Variants in MACROD2 observed in about 807,000 individuals in gnomAD.
MACROD2 encodes mono-ADP ribosylhydrolase 2, also known as ADP-ribose glycohydrolase MACROD2.
Under a neutral mutation model 70.4 loss-of-function variants are expected in MACROD2, and 36 were observed. The ratio of observed to expected loss-of-function variants is 0.51; its 90% CI spans 0.39 to 0.68. MACROD2 has a LOEUF of 0.68. Ranked by LOEUF, MACROD2 falls within the 30% of genes least tolerant of loss-of-function variation. MACROD2 has a pLI of 0.00. For missense variants in MACROD2, 496 were observed against 538.4 expected (o/e 0.92, Z 0.78); for synonymous variants, 172 against 178.8 (o/e 0.96, Z 0.30).
intron 6 of MACROD2, among the ~76,000 whole-genome samples, chr20:15,372,412 A>G (rs1488500559): frequency 6.6e-6 from 1 of 152,254 alleles, no homozygotes; most frequent in South Asian, 2.1e-4. Flanking sequence ...TTACAGTTGA[A>G]TGGGTATAAA....
intron 4 of MACROD2, among the ~76,000 whole-genome samples, chr20:14,575,532 G>C (rs1980539444): frequency 6.6e-6 from 1 of 152,142 alleles, no homozygotes; most frequent in South Asian, 2.1e-4. Flanking sequence ...GGGGTCCCTG[G>C]ACCACATGTT....
intron 10 of MACROD2, among the ~76,000 whole-genome samples, chr20:15,899,929 C>T (rs1172402813): frequency 6.6e-6 from 1 of 152,008 alleles, no homozygotes; most frequent in Non-Finnish European, 1.5e-5. Context: ...TATTATTTTA[C>T]TAAAATAAAT....
chr20:14,131,671 A>C (rs2054719802), intron 3 of MACROD2, among the ~76,000 whole-genome samples: 1 of 152,150 alleles, frequency 6.6e-6, no homozygotes, highest in Admixed American at 6.5e-5. Context: ...TTAGCATTTG[A>C]AGATATTTGG....
chr20:15,835,720 G>A (rs2064106929), intron 8 of MACROD2, among the ~76,000 whole-genome samples: 1 of 152,126 alleles, frequency 6.6e-6, no homozygotes, highest in Non-Finnish European at 1.5e-5. Flanking sequence ...GCTTAGAGCA[G>A]TTAATTTGTC....
chr20:14,245,016 G>A (rs1434169303), intron 3 of MACROD2, among the ~76,000 whole-genome samples: 1 of 152,106 alleles, frequency 6.6e-6, no homozygotes, highest in Non-Finnish European at 1.5e-5. Flanking sequence ...TGGGTAAATT[G>A]TACCTGCTTT....
intron 4 of MACROD2, among the ~76,000 whole-genome samples, chr20:14,642,916 C>T (rs986826195): frequency 6.6e-6 from 1 of 151,822 alleles, no homozygotes; most frequent in Non-Finnish European, 1.5e-5. Context: ...TTGCTCAACA[C>T]ATGGTTGCCA....
intron 5 of MACROD2, among the ~76,000 whole-genome samples, chr20:14,752,699 T>A (rs1259702823): frequency 6.6e-6 from 1 of 152,118 alleles, no homozygotes; most frequent in Non-Finnish European, 1.5e-5. Flanking sequence ...CAGACCTATA[T>A]GCATTTTTGT....
At position 15,874,385 on chromosome 20, in the gene MACROD2, G is replaced by A. The variant is rs572360606; in HGVS notation, c.728-11379G>A. 1.5e-3 allele frequency among the ~76,000 whole-genome samples: 225 copies of A among 152,156 alleles called. 1 individual carries two copies. Among genetic ancestry groups the A allele is most frequent in the Non-Finnish European group, 2.0e-3 (139 of 68,010 alleles). Reference sequence around the variant, plus strand: ...TGCTGCAATAAACATACGTGTGCATGTGTCTTCATAGTAGCATGATTTATA... The same window carrying A: ...TGCTGCAATAAACATACGTGTGCATATGTCTTCATAGTAGCATGATTTATA... On this transcript the variant is annotated intron_variant, in intron 9 of 17. Coordinates refer to ENST00000684519, the MANE Select transcript of MACROD2 (RefSeq NM_001351661.2).
At chr20:15,494,766 C>CGT (rs1555829379) in intron 7 of MACROD2, among the ~76,000 whole-genome samples, 1 of 82,670 alleles carries the variant, frequency 1.2e-5, no homozygotes, top group Non-Finnish European at 3.0e-5. Context: ...TGTGTGTGCG[C>CGT]GTGTGTGTGT....
intron 7 of MACROD2, among the ~76,000 whole-genome samples, chr20:15,453,784 T>C (rs2046677056): frequency 6.6e-6 from 1 of 152,178 alleles, no homozygotes; most frequent in African/African-American, 2.4e-5. Context: ...GCACCATGCA[T>C]GTTCACCAAA....
At chr20:14,780,808 C>T (rs756469543) in intron 5 of MACROD2, among the ~76,000 whole-genome samples, 7 of 151,956 alleles carry the variant, frequency 4.6e-5, no homozygotes, top group Middle Eastern at 3.4e-3. Context: ...AGCAATGGAC[C>T]GTTTTCACAA....
intron 8 of MACROD2, among the ~76,000 whole-genome samples, chr20:15,592,790 T>C (rs959103033): frequency 1.3e-5 from 2 of 152,266 alleles, no homozygotes; most frequent in African/African-American, 2.4e-5. Flanking sequence ...GTATAAAATA[T>C]GCTGGAATAA....
intron 7 of MACROD2, among the ~76,000 whole-genome samples, chr20:15,449,319 C>T (rs1266810754): frequency 1.3e-5 from 2 of 152,014 alleles, no homozygotes; most frequent in Admixed American, 1.3e-4. Flanking sequence ...CAACATGTGA[C>T]TAGAGCATCT....
At chr20:15,907,872 C>T (rs1297071532) in intron 10 of MACROD2, among the ~76,000 whole-genome samples, 1 of 152,156 alleles carries the variant, frequency 6.6e-6, no homozygotes, top group East Asian at 1.9e-4. Flanking sequence ...CTCTAGACTG[C>T]TTTTTGCCTG....
intron 2 of MACROD2, among the ~76,000 whole-genome samples, chr20:14,040,066 G>A (rs12162441): frequency 0.38 from 57,727 of 151,820 alleles, 11,395 homozygotes; most frequent in South Asian, 0.48. Flanking sequence ...CTTTCAATAG[G>A]GTAATTGTGG....
intron 8 of MACROD2, among the ~76,000 whole-genome samples, chr20:15,633,592 A>G (rs1252470812): frequency 6.6e-6 from 1 of 151,754 alleles, no homozygotes; most frequent in African/African-American, 2.4e-5. Context: ...TGAACACTTC[A>G]TGTGTATTTA....
chr20:14,537,032 T>C (rs1401686921), intron 4 of MACROD2, among the ~76,000 whole-genome samples: 2 of 152,194 alleles, frequency 1.3e-5, no homozygotes, highest in Non-Finnish European at 2.9e-5. Flanking sequence ...CTGGCCATGA[T>C]ATTAGCCTAG....
intron 3 of MACROD2, among the ~76,000 whole-genome samples, chr20:14,374,878 A>G (rs2083357806): frequency 6.6e-6 from 1 of 152,190 alleles, no homozygotes; most frequent in African/African-American, 2.4e-5. Context: ...TGAATGGCAC[A>G]TCTCTTTTCT....
At chr20:14,661,005 T>C (rs1291116984) in intron 4 of MACROD2, among the ~76,000 whole-genome samples, 1 of 152,124 alleles carries the variant, frequency 6.6e-6, no homozygotes, top group Non-Finnish European at 1.5e-5. Flanking sequence ...AGTGCTGGGG[T>C]AAAAATACAA....
Sources: allele counts gnomAD v4.1 joint callset (sites outside exome capture counted in the v4.1 genomes callset), GRCh38; gene constraint gnomAD v4.1.1; transcripts MANE v1.5; gene names NCBI Gene and HGNC (gene_info 2026-07-23, HGNC 2026-07-21).